POMGNT2: variants seen among roughly 807,000 people sequenced by gnomAD.
POMGNT2 encodes protein O-linked-mannose beta-1,4-N-acetylglucosaminyltransferase 2.
A neutral mutation model predicts 37.8 loss-of-function variants in POMGNT2; 32 were observed. The observed-to-expected ratio is 0.85, with a 90% CI of 0.64 to 1.14. POMGNT2 has a LOEUF of 1.14. Among genes scored for constraint, POMGNT2 ranks in the 50% most tolerant of loss-of-function variants. The pLI, the probability that POMGNT2 is intolerant of heterozygous loss-of-function variation, is 0.00. For missense variants in POMGNT2, 705 were observed against 780.6 expected (o/e 0.90, Z 1.15); for synonymous variants, 340 against 336.8 (o/e 1.01, Z -0.10).
chr3:43,099,403 T>C (rs2090001614), intron 1 of POMGNT2, among the ~76,000 whole-genome samples: 1 of 152,168 alleles, frequency 6.6e-6, no homozygotes, highest in Non-Finnish European at 1.5e-5. Context: ...ATCTCTGTTA[T>C]GTGTCTACAT....
intron 1 of POMGNT2, among the ~76,000 whole-genome samples, chr3:43,082,715 T>C (rs2089866467): frequency 6.6e-6 from 1 of 152,218 alleles, no homozygotes; most frequent in Admixed American, 6.5e-5. Flanking sequence ...CTTTATTCCC[T>C]TGTGGCTAGG....
chr3:43,080,992 A>G lies in POMGNT2; in HGVS notation c.440T>C (p.Val147Ala). The change falls in exon 2 of 2, where the codon GTG becomes GCG. Residue 147 changes from valine (V) to alanine (A), a missense_variant. By Grantham distance (64) the Val-to-Ala change is moderately conservative. Coordinates refer to ENST00000344697, the MANE Select transcript of POMGNT2 (RefSeq NM_032806.6). ...GATGAGGGCCACGTCTGGCACGAACACCGGCTTGGGCATGAAGCGCAGGGC... is the reference window on the plus strand; with the variant it reads ...GATGAGGGCCACGTCTGGCACGAACGCCGGCTTGGGCATGAAGCGCAGGGC... The part of the protein sequence containing the change: ...AAALRFMPKP[V>A]FVPDVALIAN... 6.2e-7 allele frequency: 1 copy of G among 1,614,208 alleles called. No homozygotes were observed. Among genetic ancestry groups the G allele is most frequent in the African/African-American group, 1.3e-5 (1 of 75,072 alleles).
intron 1 of POMGNT2, among the ~76,000 whole-genome samples, chr3:43,099,898 A>G (rs1389919513): frequency 1.3e-5 from 2 of 152,288 alleles, no homozygotes; most frequent in East Asian, 3.9e-4. Context: ...GCCAATCACT[A>G]GGTGCCAGAT....
chr3:43,085,050 C>A (rs2089886094), intron 1 of POMGNT2, among the ~76,000 whole-genome samples: 2 of 151,898 alleles, frequency 1.3e-5, no homozygotes, highest in African/African-American at 4.8e-5. Flanking sequence ...GCTCCCTACT[C>A]AGCCTCCACC....
At position 43,081,852 on chromosome 3, in the gene POMGNT2, T is replaced by C. The variant is rs1413995252; in HGVS notation, c.-105-316A>G. On this transcript the variant is annotated intron_variant, in intron 1 of 1. Transcript: ENST00000344697. ...GGTTTGGAAAGTGTTTGGGCTGGCC[T>C]TGCCCTCTTTATGACACTGCCATAA... 5.9e-5 allele frequency among the ~76,000 whole-genome samples: 9 copies of C among 152,258 alleles called. No individual in the cohort carries two copies. In the East Asian group the frequency reaches 1.7e-3, roughly 29 times the overall value.
chr3:43,101,779 C>T (rs1050022324), intron 1 of POMGNT2, among the ~76,000 whole-genome samples: 1 of 152,154 alleles, frequency 6.6e-6, no homozygotes. Context: ...AAATTCTGTT[C>T]CTACCTTTTG....
intron 1 of POMGNT2, among the ~76,000 whole-genome samples, chr3:43,101,430 C>T (rs773504500): frequency 2.6e-5 from 4 of 152,236 alleles, no homozygotes; most frequent in East Asian, 1.9e-4. Flanking sequence ...TACTCCACAG[C>T]GGGGATAGGG....
Position 43,080,822 on chromosome 3 carries a change from C to A in POMGNT2, c.610G>T (p.Asp204Tyr), listed in dbSNP as rs761923554. Residue 204 changes from aspartate (D) to tyrosine (Y), a missense_variant, in exon 2 of 2, where the codon GAC (aspartate) becomes TAC (tyrosine). Coordinates refer to ENST00000344697, the MANE Select transcript of POMGNT2 (RefSeq NM_032806.6). ...TTGGGGCTGAGCAGCTTGTAGAGGT[C>A]GAAGTGTGCACCCTCGCCCCAGCCC... ...MEGWGEGAHF[D>Y]LYKLLSPKQP... The A allele has an allele frequency of 1.9e-6, 3 of 1,613,840 alleles. No homozygotes were observed. Among genetic ancestry groups the A allele is most frequent in the Non-Finnish European group, 2.5e-6 (3 of 1,179,984 alleles).
chr3:43,079,549 A>G lies in POMGNT2; in HGVS notation c.*140T>C, dbSNP rs539221096. 1 of 724,030 alleles carries G rather than the reference A, an allele frequency of 1.4e-6. No homozygotes were observed. The highest frequency in any genetic ancestry group is 3.0e-5 in the Admixed American group (1 of 33,488). 44.9% of individuals were successfully genotyped at this position (724,030 alleles called of 1,614,324 possible). On this transcript the variant is annotated 3_prime_UTR_variant, in exon 2 of 2. Transcript: ENST00000344697. ...GCAAAGAGGAGTGCTGTGACACCAC[A>G]CCCCAGAGACAACAAGATGATGTGG...
rs185303788 is a variant in POMGNT2 at position 43,089,965 on chromosome 3, A to C, written c.-105-8429T>G. On this transcript the variant is annotated intron_variant, in intron 1 of 1. Transcript: ENST00000344697. ...AACACGGGCTGAGAACTTCTGGGCC[A>C]GCCACAGGTGAGAGGCCAGAGGTCT... is the stretch of plus-strand genomic sequence containing the variant. Among the ~76,000 whole-genome samples, 520 of 152,266 alleles carry C rather than the reference A, an allele frequency of 3.4e-3. 2 individuals are homozygous for C. The highest frequency in any genetic ancestry group is 6.3e-3 in the Admixed American group (97 of 15,300).
rs763483828 is a variant in POMGNT2, at chr3:43,080,348, C to T, written c.1084G>A (p.Val362Ile). 2.5e-6 allele frequency: 4 copies of T among 1,614,040 alleles called. No homozygotes were observed. The African/African-American group carries it at 5.3e-5, about 22-fold the overall frequency. ...TLFLPRGATV[V>I]ELFPYAVNPD... ...TTGACAGCATATGGGAAGAGCTCTACCACAGTTGCCCCACGGGGCAGGAAG... is the reference window on the plus strand; with the variant it reads ...TTGACAGCATATGGGAAGAGCTCTATCACAGTTGCCCCACGGGGCAGGAAG... The change falls in exon 2 of 2, where the codon GTA becomes ATA. Residue 362 changes from valine to isoleucine, a missense_variant. By Grantham distance (29) the Val-to-Ile change is conservative (BLOSUM62 3). Coordinates refer to ENST00000344697, the MANE Select transcript of POMGNT2 (RefSeq NM_032806.6).
intron 1 of POMGNT2, among the ~76,000 whole-genome samples, chr3:43,101,929 G>A (rs1462918113): frequency 6.7e-6 from 1 of 148,538 alleles, no homozygotes; most frequent in Non-Finnish European, 1.5e-5. Context: ...GGCAAGAAAC[G>A]AGTCCAGGTC....
At chr3:43,084,439 T>C (rs573180009) in intron 1 of POMGNT2, among the ~76,000 whole-genome samples, 1 of 151,868 alleles carries the variant, frequency 6.6e-6, no homozygotes, top group East Asian at 1.9e-4. Flanking sequence ...AGGTCAGGAG[T>C]TCGAGACCAC....
intron 1 of POMGNT2, among the ~76,000 whole-genome samples, chr3:43,096,625 C>A (rs2089981608): frequency 6.6e-6 from 1 of 152,156 alleles, no homozygotes; most frequent in African/African-American, 2.4e-5. Flanking sequence ...CCACACAGAC[C>A]AGGGTACTTC....
intron 1 of POMGNT2, among the ~76,000 whole-genome samples, chr3:43,086,930 T>A (rs1445224894): frequency 4.6e-5 from 7 of 152,142 alleles, no homozygotes; most frequent in Non-Finnish European, 1.0e-4. Context: ...GATAAGAATC[T>A]TGAAATGAGA....
rs1362809757 is a variant in POMGNT2 at position 43,080,385 on chromosome 3, C to T, written c.1047G>A (p.Leu349=). ...CACGGGGCAGGAAGAGGGTGGTGAC[C>T]AGCTGGGCCCCATGCATGCTGACCA... ...SMLVSMHGAQ[L]VTTLFLPRGA... is the part of the protein sequence containing the mutation. The change falls in exon 2 of 2, where the codon CTG becomes CTA. Residue 349 remains leucine (L), a synonymous_variant. Transcript: ENST00000344697. 1 of 1,614,146 alleles carries T rather than the reference C, an allele frequency of 6.2e-7. No individual in the cohort carries two copies. The highest frequency in any genetic ancestry group is 1.1e-5 in the South Asian group (1 of 91,086).
At chr3:43,094,057 G>A (rs909251425) in intron 1 of POMGNT2, among the ~76,000 whole-genome samples, 1 of 152,116 alleles carries the variant, frequency 6.6e-6, no homozygotes, top group African/African-American at 2.4e-5. Flanking sequence ...GCCAAAGTGT[G>A]GTAGTAGGAA....
At position 43,079,992 on chromosome 3, in the gene POMGNT2, T is replaced by C. The variant is rs1415999473; in HGVS notation, c.1440A>G (p.Leu480=). 8 of 1,613,864 alleles carry C rather than the reference T, an allele frequency of 5.0e-6. No homozygotes were observed. Among genetic ancestry groups the C allele is most frequent in the East Asian group, 2.2e-5 (1 of 44,888 alleles). The change falls in exon 2 of 2, where the codon CTA becomes CTG. Residue 480 remains leucine (L), a synonymous_variant. Transcript: ENST00000344697. The part of the protein sequence containing the change: ...GPRKQKWTVG[L]YPGKVREARC... Reference sequence around the variant, plus strand: ...GTGCCTCCCGCACCTTGCCTGGATATAGGCCGACTGTCCACTTCTGCTTCC... The same window carrying C: ...GTGCCTCCCGCACCTTGCCTGGATACAGGCCGACTGTCCACTTCTGCTTCC...
In POMGNT2 at chr3:43,080,132, G is replaced by A. The variant is rs762832129; in HGVS notation, c.1300C>T (p.His434Tyr). ...CACTCGGGGTTCCGGCAACAGAGAT[G>A]CCGTGGGACCTCACGGCTTTGCAGG... ...RILQSREVPR[H>Y]LCCRNPEWLF... Residue 434 changes from histidine (H) to tyrosine (Y), a missense_variant, in exon 2 of 2, where the codon CAT (histidine) becomes TAT (tyrosine). His to Tyr is a moderately conservative substitution (Grantham distance 83). Coordinates refer to ENST00000344697, the MANE Select transcript of POMGNT2 (RefSeq NM_032806.6). 6.2e-7 allele frequency: 1 copy of A among 1,613,954 alleles called. No individual in the cohort carries two copies. Among genetic ancestry groups the A allele is most frequent in the Non-Finnish European group, 8.5e-7 (1 of 1,179,982 alleles).
Sources: gnomAD v4.1 joint callset for allele counts (sites outside exome capture counted in the v4.1 genomes callset) on GRCh38, gnomAD v4.1.1 for gene constraint, MANE v1.5 for transcripts, NCBI Gene and HGNC (gene_info 2026-07-23, HGNC 2026-07-21) for gene names.